The following KCNA6 variants were observed in gnomAD, a reference collection of about 807,000 sequenced individuals.
KCNA6 encodes human brain potassium channel-2.
In KCNA6, 17 loss-of-function variants were observed where a neutral mutation model predicts 29.5. The observed-to-expected ratio is 0.58, with a 90% CI of 0.39 to 0.86. The LOEUF (loss-of-function observed/expected upper bound fraction) is 0.86, where lower values mean the gene tolerates loss of function less well. KCNA6 is among the 40% of genes least tolerant of loss of function. The pLI is 0.00. For synonymous variants in KCNA6, 296 were observed against 304.7 expected (o/e 0.97, Z 0.30); for missense variants, 450 against 703.4 (o/e 0.64, Z 4.07).
the KCNA6 span, among the ~76,000 whole-genome samples, chr12:4,831,643 G>A: frequency 1.3e-5 from 2 of 152,196 alleles, no homozygotes; most frequent in Non-Finnish European, 2.9e-5. Flanking sequence ...CCAAGGCCAC[G>A]TGGCTACTAT....
chr12:4,848,294 G>A, the KCNA6 span, among the ~76,000 whole-genome samples: 1 of 152,102 alleles, frequency 6.6e-6, no homozygotes, highest in East Asian at 1.9e-4. Flanking sequence ...GTTCCTGGGG[G>A]TAAATCAGGT....
chr12:4,850,002 C>T, the KCNA6 span, among the ~76,000 whole-genome samples: 2 of 152,154 alleles, frequency 1.3e-5, no homozygotes, highest in Non-Finnish European at 2.9e-5. This position sits in a 1 kb window ranked among gnomAD's most constrained non-coding sequence, Gnocchi z 5.4. Context: ...GCCCAGGCCA[C>T]GGCAGAGGCG....
chr12:4,814,954 T>A (rs1591592384), downstream of KCNA6, among the ~76,000 whole-genome samples: 1 of 152,192 alleles, frequency 6.6e-6, no homozygotes, highest in Admixed American at 6.5e-5. This position sits in a 1 kb window ranked among gnomAD's most constrained non-coding sequence, Gnocchi z 4.6. Context: ...TTTCTTTGAC[T>A]CCATTAACTT....
chr12:4,835,021 A>G, the KCNA6 span, among the ~76,000 whole-genome samples: 1 of 152,106 alleles, frequency 6.6e-6, no homozygotes, highest in Non-Finnish European at 1.5e-5. Context: ...AGCCTAACCA[A>G]TGTATTGGGT....
At chr12:4,846,810 G>T in the KCNA6 span, among the ~76,000 whole-genome samples, 3 of 127,958 alleles carry the variant, frequency 2.3e-5, no homozygotes, top group African/African-American at 6.1e-5. Context: ...ACGGAGTCTC[G>T]CTCTGTTGCC....
the KCNA6 span, among the ~76,000 whole-genome samples, chr12:4,828,873 A>C: frequency 6.6e-6 from 1 of 152,212 alleles, no homozygotes; most frequent in Non-Finnish European, 1.5e-5. Context: ...AACATCGCTA[A>C]TGTAGCATGG....
chr12:4,827,673 C>T, the KCNA6 span, among the ~76,000 whole-genome samples: 39 of 152,342 alleles, frequency 2.6e-4, no homozygotes, highest in African/African-American at 9.1e-4. Context: ...GCCTAGGTCA[C>T]CTCACTGTGC....
At chr12:4,846,241 G>A in the KCNA6 span, among the ~76,000 whole-genome samples, 1 of 152,102 alleles carries the variant, frequency 6.6e-6, no homozygotes, top group Non-Finnish European at 1.5e-5. Flanking sequence ...TTTGGGATTA[G>A]GGATGCTAGA....
the KCNA6 span, among the ~76,000 whole-genome samples, chr12:4,845,641 A>G: frequency 1.3e-4 from 20 of 152,226 alleles, no homozygotes; most frequent in Non-Finnish European, 1.5e-5. Context: ...TAAAATTTAA[A>G]TGTACCTGGT....
the KCNA6 span, among the ~76,000 whole-genome samples, chr12:4,841,735 C>T: frequency 6.6e-6 from 1 of 151,994 alleles, no homozygotes; most frequent in Non-Finnish European, 1.5e-5. Flanking sequence ...AATTTTATAT[C>T]TAAAAATGGG....
the KCNA6 span, among the ~76,000 whole-genome samples, chr12:4,821,715 G>A: frequency 3.3e-5 from 5 of 152,198 alleles, no homozygotes; most frequent in Non-Finnish European, 5.9e-5. Context: ...GATCCTGCAT[G>A]TTTGCTTTCC....
At chr12:4,833,543 C>T in the KCNA6 span, among the ~76,000 whole-genome samples, 3 of 152,204 alleles carry the variant, frequency 2.0e-5, no homozygotes, top group Middle Eastern at 3.2e-3. Context: ...GCTTCAAGGT[C>T]ACATTGCCAA....
At chr12:4,815,692 A>G (rs540642426), downstream of KCNA6, among the ~76,000 whole-genome samples, 2 of 152,346 alleles carry the variant, frequency 1.3e-5, no homozygotes, top group South Asian at 2.1e-4. Context: ...AGGTTTTGCT[A>G]GTATCTGGCT....
At chr12:4,833,879 GTCT>G in the KCNA6 span, among the ~76,000 whole-genome samples, 59,822 of 150,398 alleles carry the variant, frequency 0.4, 12,429 homozygotes, top group Middle Eastern at 0.53. Context: ...GGAGGGACTT[GTCT>G]TCTTCTTCTT....
the KCNA6 span, among the ~76,000 whole-genome samples, chr12:4,845,348 T>C: frequency 6.6e-6 from 1 of 152,226 alleles, no homozygotes; most frequent in African/African-American, 2.4e-5. Flanking sequence ...TTCTTAGAAT[T>C]TTGAAAGCAT....
chr12:4,840,125 C>T, the KCNA6 span, among the ~76,000 whole-genome samples: 92,134 of 151,688 alleles, frequency 0.61, 28,340 homozygotes, highest in Middle Eastern at 0.65. Context: ...CTGAGTATTC[C>T]AGTTGGAGAA....
At chr12:4,827,707 A>G in the KCNA6 span, among the ~76,000 whole-genome samples, 1 of 152,298 alleles carries the variant, frequency 6.6e-6, no homozygotes, top group East Asian at 1.9e-4. Flanking sequence ...TGGGATGGAA[A>G]AGTGTCTAGC....
chr12:4,818,113 C>T (rs1008091894), downstream of KCNA6, among the ~76,000 whole-genome samples: 6 of 152,024 alleles, frequency 3.9e-5, no homozygotes, highest in East Asian at 3.9e-4. Context: ...CTGGGAGGGG[C>T]GGGGAGGACT....
chr12:4,848,514 C>CAA, the KCNA6 span, among the ~76,000 whole-genome samples: 82,888 of 144,598 alleles, frequency 0.57, 24,011 homozygotes, highest in African/African-American at 0.63. Flanking sequence ...CAGGAGGGAG[C>CAA]AAAAAAAAAA....
Sources: gnomAD v4.1 joint callset for allele counts (sites outside exome capture counted in the v4.1 genomes callset) on GRCh38, gnomAD v4.1.1 for gene constraint, Gnocchi (gnomAD v3.1) non-coding constraint, MANE v1.5 for transcripts, NCBI Gene and HGNC (gene_info 2026-07-23, HGNC 2026-07-21) for gene names.